Variants in RSPRY1 observed in about 807,000 individuals in gnomAD.
The protein encoded by RSPRY1 is RING finger and SPRY domain-containing protein 1.
Under a neutral mutation model 73.1 loss-of-function variants are expected in RSPRY1, and 23 were observed. The observed-to-expected ratio is 0.31, with a 90% CI of 0.23 to 0.45. The LOEUF (loss-of-function observed/expected upper bound fraction) is 0.45, where lower values mean the gene tolerates loss of function less well. RSPRY1 is among the 20% of genes least tolerant of loss of function. The probability of loss-of-function intolerance (pLI) is 1.00; values close to 1 mark genes in which losing one functional copy is unlikely to be tolerated. For missense variants in RSPRY1, 448 were observed against 698.7 expected (o/e 0.64, Z 4.05); for synonymous variants, 226 against 251.4 (o/e 0.90, Z 0.95).
chr16:57,223,387 G>A (rs1402446029), intron 10 of RSPRY1, among the ~76,000 whole-genome samples: 11 of 152,220 alleles, frequency 7.2e-5, no homozygotes, highest in African/African-American at 2.7e-4. Flanking sequence ...GTTCTGTTCA[G>A]GTAACCTACA....
chr16:57,201,519 G>A (rs2074606000), intron 1 of RSPRY1, among the ~76,000 whole-genome samples: 1 of 151,744 alleles, frequency 6.6e-6, no homozygotes, highest in Admixed American at 6.6e-5. Flanking sequence ...GACGATGGGC[G>A]GCCAGGCAGA....
rs1333025223 is a variant in RSPRY1, at chr16:57,192,292, T to A, written c.-156+5841T>A. 2.0e-5 allele frequency among the ~76,000 whole-genome samples: 3 copies of A among 152,322 alleles called. No homozygotes were observed. In the East Asian group the frequency reaches 5.8e-4, roughly 29 times the overall value. On this transcript the variant is annotated intron_variant, in intron 1 of 14. Transcript: ENST00000394420. ...AAAATCCTTTTCCTTCAGATTTGTG[T>A]ATATTTGAATAACACATGATCTCCT...
At chr16:57,227,566 G>A in intron 11 of RSPRY1, 113 bp downstream of exon 11, 1 of 740,174 alleles carries the variant, frequency 1.4e-6, no homozygotes, top group Non-Finnish European at 2.4e-6. Flanking sequence ...AATGTGAAAA[G>A]GGATATTAAC....
intron 10 of RSPRY1, among the ~76,000 whole-genome samples, chr16:57,226,356 T>C (rs2075121335): frequency 6.6e-6 from 1 of 152,182 alleles, no homozygotes. Context: ...TAAAGTGTTT[T>C]CACAAGTTTA....
chr16:57,197,460 T>G (rs950623916), intron 1 of RSPRY1, among the ~76,000 whole-genome samples: 1 of 152,190 alleles, frequency 6.6e-6, no homozygotes, highest in African/African-American at 2.4e-5. Context: ...TCCACCTGAT[T>G]AACCTCTTCT....
At chr16:57,198,122 A>C (rs1330359162) in intron 1 of RSPRY1, among the ~76,000 whole-genome samples, 1 of 152,126 alleles carries the variant, frequency 6.6e-6, no homozygotes, top group Non-Finnish European at 1.5e-5. Context: ...ACGGTGGCTC[A>C]CACCTGTAAT....
chr16:57,235,076 C>T (rs1351614845), intron 13 of RSPRY1, 48 bp from the exon 14 acceptor site: 9 of 1,355,780 alleles, frequency 6.6e-6, no homozygotes, highest in South Asian at 2.4e-5. Flanking sequence ...TCACTGCTAA[C>T]AGGACCCCTG....
intron 2 of RSPRY1, among the ~76,000 whole-genome samples, chr16:57,207,145 G>A (rs1567495889): frequency 6.6e-6 from 1 of 152,162 alleles, no homozygotes; most frequent in East Asian, 1.9e-4. Context: ...ATCTACAACT[G>A]TTGGGTATAT....
chr16:57,187,593 A>C (rs1360369403), intron 1 of RSPRY1, among the ~76,000 whole-genome samples: 1 of 152,220 alleles, frequency 6.6e-6, no homozygotes, highest in African/African-American at 2.4e-5. Flanking sequence ...CGTGAACGTA[A>C]GTTAGTGTGA....
intron 1 of RSPRY1, among the ~76,000 whole-genome samples, chr16:57,187,309 C>A (rs2074240689): frequency 6.6e-6 from 1 of 152,160 alleles, no homozygotes; most frequent in Non-Finnish European, 1.5e-5. Flanking sequence ...TCACTTTCCC[C>A]GTCTTTGGGG....
chr16:57,208,924 A>G lies in RSPRY1; in HGVS notation c.404-151A>G, dbSNP rs926660812. The G allele has an allele frequency of 1.1e-5, 6 of 567,160 alleles. No individual in the cohort carries two copies. The African/African-American group carries it at 1.1e-4, about 11-fold the overall frequency. The allele number at this position is 567,160 out of a possible 1,614,324, so 35.1% of individuals were successfully genotyped here. A position where few individuals can be genotyped will look rare whatever the true frequency, so the allele number is the denominator to read the frequency against. ...ATGTTTTTACTCCACCACGATGACT[A>G]GCAATTGATGATTATGTCCATGCCA... On this transcript the variant is annotated intron_variant, in intron 3 of 14. Transcript: ENST00000394420.
At chr16:57,206,260 T>C (rs1490471676) in intron 2 of RSPRY1, among the ~76,000 whole-genome samples, 3 of 152,026 alleles carry the variant, frequency 2.0e-5, no homozygotes, top group African/African-American at 7.2e-5. Context: ...TTAAAAATTA[T>C]CCAGGTACAG....
intron 14 of RSPRY1, among the ~76,000 whole-genome samples, chr16:57,238,533 G>A (rs1266049812): frequency 6.6e-6 from 1 of 152,214 alleles, no homozygotes; most frequent in African/African-American, 2.4e-5. Flanking sequence ...AAACTGTGGT[G>A]AAAGATGGAC....
At chr16:57,213,553 C>T (rs1358742159) in intron 5 of RSPRY1, among the ~76,000 whole-genome samples, 1 of 152,178 alleles carries the variant, frequency 6.6e-6, no homozygotes, top group Non-Finnish European at 1.5e-5. Flanking sequence ...ATGAATGTTA[C>T]CCATTTTAAG....
chr16:57,229,473 G>C (rs368367064), intron 11 of RSPRY1, among the ~76,000 whole-genome samples: 1 of 151,794 alleles, frequency 6.6e-6, no homozygotes, highest in African/African-American at 2.4e-5. Flanking sequence ...TTAAAAATTT[G>C]CCAGGGGTGG....
At chr16:57,234,835 G>A (rs2075277673) in intron 13 of RSPRY1, among the ~76,000 whole-genome samples, 1 of 152,186 alleles carries the variant, frequency 6.6e-6, no homozygotes, top group Non-Finnish European at 1.5e-5. Flanking sequence ...CATAAAAAGA[G>A]CACTGGACTT....
rs575640212 is a variant in RSPRY1 at position 57,198,294 on chromosome 16, G to A, written c.-155-6210G>A. ...AGCTACTCGGGAGGCTGAGGCAGGA[G>A]AATGGCATGAACCTGGGAGGCGGAG... On this transcript the variant is annotated intron_variant, in intron 1 of 14. Coordinates refer to ENST00000394420, the MANE Select transcript of RSPRY1 (RefSeq NM_133368.3). Among the ~76,000 whole-genome samples, 3 of 152,020 alleles carry A rather than the reference G, an allele frequency of 2.0e-5. No homozygotes were observed. The East Asian group carries it at 5.8e-4, about 30-fold the overall frequency.
chr16:57,204,926 C>G lies in RSPRY1; in HGVS notation c.268C>G (p.Pro90Ala). 1 of 1,614,168 alleles carries G rather than the reference C, an allele frequency of 6.2e-7. No individual in the cohort carries two copies. Among genetic ancestry groups the G allele is most frequent in the South Asian group, 1.1e-5 (1 of 91,074 alleles). Residue 90 changes from proline (P) to alanine (A), a missense_variant, in exon 2 of 15, where the codon CCT (proline) becomes GCT (alanine). Transcript: ENST00000394420. ...PVRPPRRGRG[P>A]HEPRRKKQNV... ...TCGGCCACCAAGGAGGGGCCGAGGA[C>G]CTCATGAGCCAAGGAGAAAGAAACA...
intron 2 of RSPRY1, among the ~76,000 whole-genome samples, chr16:57,206,340 C>T (rs1366716145): frequency 6.6e-6 from 1 of 152,044 alleles, no homozygotes; most frequent in African/African-American, 2.4e-5. Flanking sequence ...CAGGAGTTTC[C>T]AGCTGCAGTG....
Sources: gnomAD v4.1 joint callset for allele counts (sites outside exome capture counted in the v4.1 genomes callset) on GRCh38, gnomAD v4.1.1 for gene constraint, MANE v1.5 for transcripts, NCBI Gene and HGNC (gene_info 2026-07-23, HGNC 2026-07-21) for gene names.